Variants in LRP2 observed in about 807,000 individuals in gnomAD.
The protein encoded by LRP2 is low-density lipoprotein receptor-related protein 2.
In LRP2, 172 loss-of-function variants were observed where a neutral mutation model predicts 531.0. The ratio of observed to expected loss-of-function variants is 0.32; its 90% CI spans 0.29 to 0.37. The LOEUF is 0.37. LRP2 is among the 10% of genes least tolerant of loss of function. The pLI is 1.00. For synonymous variants in LRP2, 1,992 were observed against 2,027.6 expected, an observed-to-expected ratio of 0.98 and a Z score of 0.47; for missense variants, 5,167 against 5,868.3, an observed-to-expected ratio of 0.88 and a Z score of 3.90.
At chr2:169,177,587 T>C (rs1296593381) in intron 53 of LRP2, among the ~76,000 whole-genome samples, 1 of 149,942 alleles carries the variant, frequency 6.7e-6, no homozygotes, top group Non-Finnish European at 1.5e-5. Context: ...ATTGAGCGAG[T>C]TTTAAGAAGA....
intron 58 of LRP2, 62 bp from the exon 59 acceptor site, chr2:169,170,729 G>A (rs988039642): frequency 3.4e-6 from 4 of 1,179,108 alleles, no homozygotes; most frequent in African/African-American, 1.5e-5. Context: ...GAGACATCTT[G>A]TGAGCTGACC....
chr2:169,242,527 G>T (rs540926604), intron 24 of LRP2, among the ~76,000 whole-genome samples: 5 of 151,548 alleles, frequency 3.3e-5, no homozygotes, highest in African/African-American at 1.2e-4. Flanking sequence ...ATAGCACAAA[G>T]AATGAATTCA....
At chr2:169,205,783 G>T in intron 40 of LRP2, 146 bp from the exon 41 acceptor site, 3 of 965,438 alleles carry the variant, frequency 3.1e-6, no homozygotes, top group South Asian at 2.8e-5. Context: ...CTTGTCCAAA[G>T]GAGATCTAGT....
Position 169,206,590 on chromosome 2 carries a change from C to A in LRP2, c.7130G>T (p.Ser2377Ile). ...TGAAATGGCACAATTCTTGCCATCA[C>A]TTTGCAGGGTCCCAAAGGCACAGTC... ...KCDCAFGTLQ[S>I]DGKNCAISTE... is the part of the protein sequence containing the mutation. The change falls in exon 39 of 79, where the codon AGT becomes ATT. Residue 2377 changes from serine to isoleucine, a missense_variant. Around this residue, in one of 6 missense-constraint regions of LRP2, gnomAD observed 2,811 missense variants for 3,058.0 expected, o/e 0.92. Coordinates refer to ENST00000649046, the MANE Select transcript of LRP2 (RefSeq NM_004525.3). 1 of 1,614,140 alleles carries A rather than the reference C, an allele frequency of 6.2e-7. No individual in the cohort carries two copies. The highest frequency in any genetic ancestry group is 8.5e-7 in the Non-Finnish European group (1 of 1,180,026).
At chr2:169,203,884 A>T in intron 42 of LRP2, 98 bp downstream of exon 42, 1 of 1,320,492 alleles carries the variant, frequency 7.6e-7, no homozygotes. Context: ...ATCAAGGAGA[A>T]TTTGAATTTT....
At chr2:169,170,030 A>C (rs1014380249) in intron 59 of LRP2, among the ~76,000 whole-genome samples, 1 of 152,218 alleles carries the variant, frequency 6.6e-6, no homozygotes, top group African/African-American at 2.4e-5. Flanking sequence ...CTAGCTCCCT[A>C]ATATTAAATA....
chr2:169,244,738 C>A lies in LRP2; in HGVS notation c.3385G>T (p.Asp1129Tyr). ...HQCISKNWVC[D>Y]TDNDCGDGSD... ...CCATCCCCACAATCATTGTCTGTGT[C>A]ACAGACCCAGTTCTTTGAGATACAC... Residue 1129 changes from aspartate (D) to tyrosine (Y), a missense_variant, in exon 22 of 79, where the codon GAC (aspartate) becomes TAC (tyrosine). Physicochemically the swap from Asp to Tyr is radical, Grantham distance 160. This residue lies in a region of LRP2 where 2,811 missense variants were observed against 3,058.0 expected (regional missense o/e 0.92). Transcript: ENST00000649046. 1 of 1,614,236 alleles carries A rather than the reference C, an allele frequency of 6.2e-7. No homozygotes were observed. Among genetic ancestry groups the A allele is most frequent in the South Asian group, 1.1e-5 (1 of 91,076 alleles).
At position 169,230,328 on chromosome 2, in the gene LRP2, C is replaced by T. The variant is rs116333466; in HGVS notation, c.5227+1386G>A. Among the ~76,000 whole-genome samples the T allele has an allele frequency of 3.5e-3, 535 of 152,340 alleles. 2 individuals are homozygous for T. The highest frequency in any genetic ancestry group is 0.012 in the African/African-American group (513 of 41,562). ...ATAATAAGTCTCTGAGGAAAAATGGCAAGTGCCAGTCCCTCTGTGAGAATT... is the reference window on the plus strand; with the variant it reads ...ATAATAAGTCTCTGAGGAAAAATGGTAAGTGCCAGTCCCTCTGTGAGAATT... On this transcript the variant is annotated intron_variant, in intron 31 of 78. Transcript: ENST00000649046.
intron 16 of LRP2, 125 bp from the exon 17 acceptor site, chr2:169,259,342 CT>C: frequency 8.1e-5 from 20 of 247,366 alleles, no homozygotes; most frequent in Middle Eastern, 1.2e-3. Flanking sequence ...ATGTGGAATT[CT>C]TTAAAAAAAA....
chr2:169,178,059 A>G, intron 52 of LRP2, 33 bp from the exon 53 acceptor site: 1 of 1,476,578 alleles, frequency 6.8e-7, no homozygotes. Flanking sequence ...TTATGTGATA[A>G]AGGTAATTCC....
intron 3 of LRP2, among the ~76,000 whole-genome samples, chr2:169,307,611 C>T (rs143532485): frequency 9.9e-4 from 150 of 152,226 alleles, no homozygotes; most frequent in African/African-American, 3.4e-3. Context: ...ATGCTATGTA[C>T]ACAATTACGT....
At chr2:169,254,240 A>G (rs1422694697) in intron 19 of LRP2, among the ~76,000 whole-genome samples, 1 of 68,834 alleles carries the variant, frequency 1.5e-5, no homozygotes, top group East Asian at 3.9e-4. Flanking sequence ...CTTGGAACCA[A>G]CCCAAATGTC....
At chr2:169,263,095 C>T (rs548406052) in intron 16 of LRP2, among the ~76,000 whole-genome samples, 2 of 152,294 alleles carry the variant, frequency 1.3e-5, no homozygotes, top group South Asian at 4.1e-4. Flanking sequence ...AATATCAATT[C>T]AAGATGGCTT....
chr2:169,216,377 G>C lies in LRP2; in HGVS notation c.5702C>G (p.Ala1901Gly), dbSNP rs61995913. 3,895 of 1,613,628 alleles carry C rather than the reference G, an allele frequency of 2.4e-3. 70 individuals are homozygous for C. The African/African-American group carries it at 0.045, about 19-fold the overall frequency. ...GTDSGVPAKI[A>G]SANMDGTSVK... ...AGATGTGCCATCCATGTTAGCACTG[G>C]CGATCTTGGCAGGAACCCCACTGTC... The change falls in exon 35 of 79, where the codon GCC becomes GGC. Residue 1901 changes from alanine to glycine, a missense_variant. Around this residue, in one of 6 missense-constraint regions of LRP2, gnomAD observed 2,811 missense variants for 3,058.0 expected, o/e 0.92. Coordinates refer to ENST00000649046, the MANE Select transcript of LRP2 (RefSeq NM_004525.3).
At chr2:169,218,123 C>T (rs1688861440) in intron 34 of LRP2, among the ~76,000 whole-genome samples, 1 of 152,176 alleles carries the variant, frequency 6.6e-6, no homozygotes, top group Admixed American at 6.6e-5. Flanking sequence ...TTTATCAAGA[C>T]TTTCTCTTCA....
At chr2:169,154,206 A>G (rs893363206) in intron 66 of LRP2, among the ~76,000 whole-genome samples, 2 of 152,186 alleles carry the variant, frequency 1.3e-5, no homozygotes, top group African/African-American at 4.8e-5. Flanking sequence ...GAAATTTCAA[A>G]ATACAAGAAG....
chr2:169,342,243 A>G (rs960318815), intron 1 of LRP2, among the ~76,000 whole-genome samples: 2 of 152,196 alleles, frequency 1.3e-5, no homozygotes, highest in East Asian at 1.9e-4. Flanking sequence ...ATTAACATAC[A>G]CATACATTGA....
At chr2:169,335,310 A>T (rs541894112) in intron 1 of LRP2, among the ~76,000 whole-genome samples, 1 of 152,358 alleles carries the variant, frequency 6.6e-6, no homozygotes, top group East Asian at 1.9e-4. Flanking sequence ...GTATAATTCC[A>T]TCACCAAAAA....
At chr2:169,272,608 T>C (rs959110881) in intron 15 of LRP2, among the ~76,000 whole-genome samples, 3 of 151,998 alleles carry the variant, frequency 2.0e-5, no homozygotes, top group Non-Finnish European at 2.9e-5. Context: ...AGTTCAACCA[T>C]ATGGAATTTC....
Sources: allele counts gnomAD v4.1 joint callset (sites outside exome capture counted in the v4.1 genomes callset), GRCh38; gene constraint gnomAD v4.1.1; regional missense constraint gnomAD v4.1.1; transcripts MANE v1.5; gene names NCBI Gene and HGNC (gene_info 2026-07-23, HGNC 2026-07-21).